The following SERPINA12 variants were observed in gnomAD, a reference collection of about 807,000 sequenced individuals.
The protein encoded by SERPINA12 is serpin A12.
Under a neutral mutation model 25.9 loss-of-function variants are expected in SERPINA12, and 21 were observed. That is an observed-to-expected ratio of 0.81 (90% CI 0.58 to 1.17). SERPINA12 has a LOEUF of 1.17. Ranked by LOEUF, SERPINA12 falls within the 50% of genes most tolerant of loss-of-function variation. SERPINA12 has a pLI of 0.00. For missense variants in SERPINA12, 562 were observed against 508.3 expected (o/e 1.11, Z -1.02); for synonymous variants, 220 against 196.0 (o/e 1.12, Z -1.02).
At chr14:94,498,871 C>T (rs1450063844) in intron 1 of SERPINA12, among the ~76,000 whole-genome samples, 1 of 152,170 alleles carries the variant, frequency 6.6e-6, no homozygotes, top group Non-Finnish European at 1.5e-5. Flanking sequence ...GCAAAACCCC[C>T]TAAGCTTTGG....
chr14:94,496,290 C>T (rs768556735), intron 3 of SERPINA12, 83 bp downstream of exon 3: 56 of 1,392,348 alleles, frequency 4.0e-5, no homozygotes, highest in Non-Finnish European at 5.4e-5. Flanking sequence ...GAGGACTTGG[C>T]CATGAGGTAA....
intron 3 of SERPINA12, 96 bp downstream of exon 3, chr14:94,496,277 G>C: frequency 8.2e-7 from 1 of 1,218,070 alleles, no homozygotes; most frequent in Non-Finnish European, 1.2e-6. Flanking sequence ...ATAGAGCCCA[G>C]AAGAGGACTT....
chr14:94,499,751 G>A (rs1307436147), intron 1 of SERPINA12, among the ~76,000 whole-genome samples: 1 of 152,188 alleles, frequency 6.6e-6, no homozygotes, highest in Non-Finnish European at 1.5e-5. Context: ...AGTGAGGGAA[G>A]TGGGATGGAA....
chr14:94,515,609 G>C (rs1901213371), intron 2 of SERPINA12, among the ~76,000 whole-genome samples: 1 of 152,190 alleles, frequency 6.6e-6, no homozygotes, highest in African/African-American at 2.4e-5. Context: ...GGACAGCCAG[G>C]TTCTGTGCTC....
exon 1 of SERPINA12, chr14:94,517,809 G>A (rs1346104448): frequency 6.6e-6 from 1 of 152,210 alleles, no homozygotes; most frequent in African/African-American, 2.4e-5. Context: ...CATCCGGCAG[G>A]GGGCTGGTGA....
At chr14:94,516,443 A>G (rs892701364) in intron 1 of SERPINA12, among the ~76,000 whole-genome samples, 1 of 152,200 alleles carries the variant, frequency 6.6e-6, no homozygotes, top group Non-Finnish European at 1.5e-5. Flanking sequence ...TGAGACCTGG[A>G]GAACTGAAGG....
upstream of SERPINA12, chr14:94,511,492 T>C: frequency 2.0e-6 from 2 of 985,448 alleles, no homozygotes; most frequent in African/African-American, 1.7e-5. Flanking sequence ...ACTGTCTGCA[T>C]GCCTCACATA....
Position 94,489,625 on chromosome 14 carries a change from C to T in SERPINA12, c.1048G>A (p.Gly350Ser), listed in dbSNP as rs771051066. 10 of 1,613,856 alleles carry T rather than the reference C, an allele frequency of 6.2e-6. No individual in the cohort carries two copies. Among genetic ancestry groups the T allele is most frequent in the African/African-American group, 2.7e-5 (2 of 74,900 alleles). Residue 350 changes from glycine to serine, a missense_variant, in exon 4 of 5, where the codon GGC (glycine) becomes AGC (serine). Physicochemically the swap from Gly to Ser is moderately conservative, Grantham distance 56. Coordinates refer to ENST00000677451, the MANE Select transcript of SERPINA12 (RefSeq NM_001382267.1). Reference protein sequence around the residue: ...KIAPHRSLKVGEAVHKAELKM... With the variant: ...KIAPHRSLKVSEAVHKAELKM... ...TCCAGGCTAGGCAGGCTTACCTCGC[C>T]CACTTTCAGGCTGCGATGAGGGGCG...
intron 1 of SERPINA12, chr14:94,501,228 G>A: frequency 1.1e-6 from 1 of 912,198 alleles, no homozygotes; most frequent in Non-Finnish European, 1.3e-6. Flanking sequence ...GCTATTCAGA[G>A]TGGGCGCAAG....
chr14:94,489,663 T>C lies in SERPINA12; in HGVS notation c.1010A>G (p.Asp337Gly), dbSNP rs1313186669. Residue 337 changes from aspartate (D) to glycine (G), a missense_variant, in exon 4 of 5, where the codon GAT becomes GGT. Physicochemically the swap from Asp to Gly is moderately conservative, Grantham distance 94. Coordinates refer to ENST00000677451, the MANE Select transcript of SERPINA12 (RefSeq NM_001382267.1). ...GVSKIFEEHG[D>G]LTKIAPHRSL... ...GCGATGAGGGGCGATCTTGGTGAGA[T>C]CACCATGTTCCTCAAAGATTTTGGA... is the stretch of plus-strand genomic sequence containing the variant. 4 of 1,614,140 alleles carry C rather than the reference T, an allele frequency of 2.5e-6. No individual in the cohort carries two copies. Among genetic ancestry groups the C allele is most frequent in the Admixed American group, 1.7e-5 (1 of 60,024 alleles).
chr14:94,514,408 C>G (rs1337893686), upstream of SERPINA12, among the ~76,000 whole-genome samples: 2 of 152,202 alleles, frequency 1.3e-5, no homozygotes, highest in East Asian at 1.9e-4. Context: ...CTGGACGCCA[C>G]AGCTACTGGT....
At chr14:94,500,825 T>C in intron 1 of SERPINA12, 1 of 984,516 alleles carries the variant, frequency 1.0e-6, no homozygotes, top group Non-Finnish European at 1.2e-6. Flanking sequence ...TGACGTTGAG[T>C]TACATGGTCA....
upstream of SERPINA12, chr14:94,511,237 A>G: frequency 8.5e-6 from 1 of 118,228 alleles, no homozygotes; most frequent in Non-Finnish European, 1.6e-5. Flanking sequence ...CACCTCATGT[A>G]CACACACACA....
At chr14:94,503,942 T>C (rs1454018422) in intron 1 of SERPINA12, 1 of 152,228 alleles carries the variant, frequency 6.6e-6, no homozygotes, top group Non-Finnish European at 1.5e-5. Context: ...TAGACATCCA[T>C]AACACTCTGC....
chr14:94,500,974 C>T, intron 1 of SERPINA12: 2 of 984,414 alleles, frequency 2.0e-6, no homozygotes, highest in Non-Finnish European at 2.4e-6. Flanking sequence ...AAGCACTTCC[C>T]TCTCTGAACC....
intron 1 of SERPINA12, among the ~76,000 whole-genome samples, chr14:94,503,827 A>G (rs565666594): frequency 6.6e-6 from 1 of 152,378 alleles, no homozygotes; most frequent in East Asian, 1.9e-4. Context: ...TGTGGCCAGC[A>G]TCATGCAGCA....
intron 2 of SERPINA12, 35 bp from the exon 3 acceptor site, chr14:94,496,678 C>T (rs139328337): frequency 1.9e-6 from 3 of 1,597,366 alleles, no homozygotes; most frequent in African/African-American, 2.7e-5. Flanking sequence ...ACATGTTATC[C>T]CAAGGGAAAA....
At chr14:94,510,265 C>G, upstream of SERPINA12, 1 of 985,260 alleles carries the variant, frequency 1.0e-6, no homozygotes, top group Non-Finnish European at 1.2e-6. Flanking sequence ...AATATAGACC[C>G]AAGTCCGTGC....
Position 94,504,590 on chromosome 14 carries a change from G to A in SERPINA12, c.-34+4752C>T, listed in dbSNP as rs79340354. Among the ~76,000 whole-genome samples the A allele has an allele frequency of 6.0e-3, 915 of 152,264 alleles. 12 individuals are homozygous for A. Among genetic ancestry groups the A allele is most frequent in the African/African-American group, 0.021 (868 of 41,538 alleles). ...CTATTTTTTCATGTGTTCCAAATTAGCTTAGCTCACATGGAGTCCTTTGGG... is the reference window on the plus strand; with the variant it reads ...CTATTTTTTCATGTGTTCCAAATTAACTTAGCTCACATGGAGTCCTTTGGG... On this transcript the variant is annotated intron_variant, in intron 1 of 4. Coordinates refer to ENST00000677451, the MANE Select transcript of SERPINA12 (RefSeq NM_001382267.1).
Sources: allele counts gnomAD v4.1 joint callset (sites outside exome capture counted in the v4.1 genomes callset), GRCh38; gene constraint gnomAD v4.1.1; transcripts MANE v1.5; gene names NCBI Gene and HGNC (gene_info 2026-07-23, HGNC 2026-07-21).